MEGF6: variants seen among roughly 807,000 people sequenced by gnomAD.
The protein encoded by MEGF6 is multiple EGF like domains 6, also known as multiple epidermal growth factor-like domains protein 6.
In MEGF6, 184 loss-of-function variants were observed where a neutral mutation model predicts 207.1. The ratio of observed to expected loss-of-function variants is 0.89; its 90% CI spans 0.79 to 1.00. The LOEUF (loss-of-function observed/expected upper bound fraction) is 1.00, where lower values mean the gene tolerates loss of function less well. Among genes scored for constraint, MEGF6 ranks in the 50% least tolerant of loss-of-function variants. The pLI is 0.00. For missense variants in MEGF6, 2,282 were observed against 2,202.9 expected (o/e 1.04, Z -0.72); for synonymous variants, 1,038 against 910.0 (o/e 1.14, Z -2.53).
In MEGF6 at chr1:3,579,933, C is replaced by G. The variant is rs201240397; in HGVS notation, c.377-4G>C. 1.1e-4 allele frequency: 163 copies of G among 1,513,556 alleles called. No individual in the cohort carries two copies. Among genetic ancestry groups the G allele is most frequent in the Non-Finnish European group, 1.4e-4 (159 of 1,137,758 alleles). 93.8% of individuals were successfully genotyped at this position (1,513,556 alleles called of 1,614,324 possible). A position where few individuals can be genotyped will look rare whatever the true frequency, so the allele number is the denominator to read the frequency against. On this transcript the variant is annotated splice_region_variant and splice_polypyrimidine_tract_variant and intron_variant, in intron 3 of 36. Transcript: ENST00000356575. ...CAGAGGCTGGCGCTGCATTCAGCTG[C>G]GGAGGGAAGGAGAAAATCGGTGAGA... is the stretch of plus-strand genomic sequence containing the variant.
the MEGF6 span, among the ~76,000 whole-genome samples, chr1:3,623,039 C>A: frequency 0.032 from 4,815 of 152,306 alleles, 109 homozygotes; most frequent in Non-Finnish European, 0.045. Context: ...TCGGCCCCAG[C>A]CAGTGTCACT....
At chr1:3,561,790 C>T (rs1213341459) in intron 4 of MEGF6, among the ~76,000 whole-genome samples, 1 of 152,266 alleles carries the variant, frequency 6.6e-6, no homozygotes, top group African/African-American at 2.4e-5. Context: ...GCTCTCCTGA[C>T]TTCTGACAGT....
rs1164259301 is a variant in MEGF6 at position 3,611,427 on chromosome 1, C to T, written c.-159G>A. 4.7e-6 allele frequency: 5 copies of T among 1,070,338 alleles called. No homozygotes were observed. The highest frequency in any genetic ancestry group is 4.3e-5 in the Admixed American group (1 of 23,518). The allele number at this position is 1,070,338 out of a possible 1,614,324, so 66.3% of individuals were successfully genotyped here. A position where few individuals can be genotyped will look rare whatever the true frequency, so the allele number is the denominator to read the frequency against. ...GCAGGTGCGGAGCGTCCCGGCTTCC[C>T]GCCCGCGCCCAAAGTGGCACCGCGG... On this transcript the variant is annotated 5_prime_UTR_variant, in exon 1 of 37. Coordinates refer to ENST00000356575, the MANE Select transcript of MEGF6 (RefSeq NM_001409.4).
intron 4 of MEGF6, among the ~76,000 whole-genome samples, chr1:3,542,012 C>A (rs1227973819): frequency 6.6e-6 from 1 of 152,246 alleles, no homozygotes; most frequent in Non-Finnish European, 1.5e-5. Flanking sequence ...GGGTCCGGCA[C>A]CGAGAAGGAA....
At chr1:3,608,931 C>A (rs577740781) in intron 1 of MEGF6, among the ~76,000 whole-genome samples, 4 of 152,212 alleles carry the variant, frequency 2.6e-5, no homozygotes, top group Non-Finnish European at 5.9e-5. Context: ...CCTGGATCTG[C>A]GAGTTGGAGG....
At position 3,501,204 on chromosome 1, in the gene MEGF6, CAGGG is replaced by C; in HGVS notation, c.2415_2418del (p.Pro806AlafsTer165). On this transcript the variant is annotated frameshift_variant, in exon 19 of 37. Transcript: ENST00000356575. LOFTEE classifies it high-confidence loss of function. ...TCCTGGCAGCGGCTGCCGACGAAGC[CAGGG>C]AGGCACAGGCAGGCTCCGGTCTCAG... is the stretch of plus-strand genomic sequence containing the variant. 6.2e-7 allele frequency: 1 copy of C among 1,612,336 alleles called. No homozygotes were observed. Among genetic ancestry groups the C allele is most frequent in the Non-Finnish European group, 8.5e-7 (1 of 1,179,798 alleles).
At position 3,605,907 on chromosome 1, in the gene MEGF6, G is replaced by T. The variant is rs942879122; in HGVS notation, c.132-3307C>A. Among the ~76,000 whole-genome samples the T allele has an allele frequency of 9.0e-4, 137 of 152,202 alleles. 1 individual carries two copies. Among genetic ancestry groups the T allele is most frequent in the Admixed American group, 8.9e-3 (136 of 15,288 alleles). On this transcript the variant is annotated intron_variant, in intron 1 of 36. Coordinates refer to ENST00000356575, the MANE Select transcript of MEGF6 (RefSeq NM_001409.4). ...GGACCCGGCCCCCACCCAAGGGATG[G>T]CCTTGGCTCCACGGTGGCACCCCCG...
intron 1 of MEGF6, among the ~76,000 whole-genome samples, chr1:3,608,665 C>T (rs527741383): frequency 1.9e-4 from 29 of 152,340 alleles, no homozygotes; most frequent in African/African-American, 6.7e-4. Flanking sequence ...AGCCCAGCAG[C>T]ACCTCTCAGG....
At chr1:3,597,253 C>T (rs1478474423) in intron 2 of MEGF6, among the ~76,000 whole-genome samples, 5 of 152,220 alleles carry the variant, frequency 3.3e-5, no homozygotes, top group African/African-American at 4.8e-5. Context: ...TTTCCTGCTT[C>T]CCCAGAGCAT....
intron 4 of MEGF6, among the ~76,000 whole-genome samples, chr1:3,531,741 A>G (rs1461954090): frequency 6.6e-6 from 1 of 151,398 alleles, no homozygotes; most frequent in Admixed American, 6.6e-5. Context: ...ACATGCACAA[A>G]CATGTGTGTT....
At chr1:3,557,648 TCGCTCACTCCCACAGCCAGCGCTGC>T (rs1643074741) in intron 4 of MEGF6, among the ~76,000 whole-genome samples, 2 of 152,076 alleles carry the variant, frequency 1.3e-5, no homozygotes, top group African/African-American at 4.8e-5. Context: ...CGCTCATCCC[TCGCTCACTCCCACAGCCAGCGCTGC>T]GGAGCACCGA....
rs1385544649 is a variant in MEGF6 at position 3,560,699 on chromosome 1, C to T, written c.481+19126G>A. ...TCAACCCCTCCCCATCTGTGGTTTC[C>T]AGGGCAACCCTGGAAACCAAGAGTG... On this transcript the variant is annotated intron_variant, in intron 4 of 36. Coordinates refer to ENST00000356575, the MANE Select transcript of MEGF6 (RefSeq NM_001409.4). This position sits in a 1 kb window ranked among gnomAD's most constrained non-coding sequence, Gnocchi z 4.0. The T allele has an allele frequency of 4.4e-6, 2 of 455,742 alleles. No homozygotes were observed. Among genetic ancestry groups the T allele is most frequent in the African/African-American group, 2.0e-5 (1 of 49,112 alleles). The allele number at this position is 455,742 out of a possible 1,614,324, so 28.2% of individuals were successfully genotyped here.
intron 4 of MEGF6, among the ~76,000 whole-genome samples, chr1:3,559,124 G>A (rs1481057664): frequency 6.6e-6 from 1 of 152,204 alleles, no homozygotes; most frequent in Non-Finnish European, 1.5e-5. Context: ...GGGAGCTCTG[G>A]GAGCTCTGGG....
intron 23 of MEGF6, 83 bp from the exon 24 acceptor site, chr1:3,499,349 C>A: frequency 6.7e-7 from 1 of 1,495,838 alleles, no homozygotes; most frequent in Non-Finnish European, 9.0e-7. Context: ...CTGGGCAGAT[C>A]TGCCGGGGTC....
intron 1 of MEGF6, among the ~76,000 whole-genome samples, chr1:3,603,098 A>T (rs1644186581): frequency 6.6e-6 from 1 of 152,102 alleles, no homozygotes; most frequent in Non-Finnish European, 1.5e-5. Flanking sequence ...GCATCCTATG[A>T]CCCACACTGG....
chr1:3,616,123 A>G (rs1644376475), upstream of MEGF6, among the ~76,000 whole-genome samples: 1 of 152,128 alleles, frequency 6.6e-6, no homozygotes, highest in Non-Finnish European at 1.5e-5. Flanking sequence ...CTAATTTCCA[A>G]AGCAAACTGC....
chr1:3,515,575 C>T (rs761374044), intron 5 of MEGF6, 48 bp from the exon 6 acceptor site: 11 of 1,590,496 alleles, frequency 6.9e-6, no homozygotes, highest in East Asian at 6.8e-5. Flanking sequence ...GATGCCTGGC[C>T]GACAGTCTGT....
chr1:3,611,232 C>T lies in MEGF6; in HGVS notation c.37G>A (p.Ala13Thr). 1.3e-6 allele frequency: 2 copies of T among 1,537,584 alleles called. No homozygotes were observed. The highest frequency in any genetic ancestry group is 1.7e-6 in the Non-Finnish European group (2 of 1,153,198). Residue 13 changes from alanine (A) to threonine (T), a missense_variant, in exon 1 of 37, where the codon GCG becomes ACG. Physicochemically the swap from Ala to Thr is moderately conservative, Grantham distance 58 (BLOSUM62 0). Transcript: ENST00000356575. ...AGCAGCACCAACGCCAGGACCACCG[C>T]GCGCCCCGCTGCCCTCGCCTCTTCA... Reference protein sequence around the residue: ...FLEEARAAGRAVVLALVLLLL... With the variant: ...FLEEARAAGRTVVLALVLLLL...
In MEGF6 at chr1:3,499,581, C is replaced by A; in HGVS notation, c.2965+7G>T. On this transcript the variant is annotated splice_region_variant and intron_variant, in intron 23 of 36. Coordinates refer to ENST00000356575, the MANE Select transcript of MEGF6 (RefSeq NM_001409.4). Reference sequence around the variant, plus strand: ...AGCACCCCGGGCTGAGCAGGGACCTCACGCACTCTCGGCACAGCGGGGGCC... The same window carrying A: ...AGCACCCCGGGCTGAGCAGGGACCTAACGCACTCTCGGCACAGCGGGGGCC... 1 of 1,573,336 alleles carries A rather than the reference C, an allele frequency of 6.4e-7. No individual in the cohort carries two copies. The highest frequency in any genetic ancestry group is 2.3e-5 in the East Asian group (1 of 43,190).
Sources: gnomAD v4.1 joint callset for allele counts (sites outside exome capture counted in the v4.1 genomes callset) on GRCh38, gnomAD v4.1.1 for gene constraint, Gnocchi (gnomAD v3.1) non-coding constraint, MANE v1.5 for transcripts, NCBI Gene and HGNC (gene_info 2026-07-23, HGNC 2026-07-21) for gene names.